The following RAD51B variants were observed in gnomAD, a reference collection of about 807,000 sequenced individuals.
The protein encoded by RAD51B is DNA repair protein RAD51 homolog 2.
Under a neutral mutation model 42.2 loss-of-function variants are expected in RAD51B, and 38 were observed. That is an observed-to-expected ratio of 0.90 (90% CI 0.70 to 1.18). The LOEUF is 1.18. Ranked by LOEUF, RAD51B falls within the 50% of genes most tolerant of loss-of-function variation. The pLI is 0.00. For synonymous variants in RAD51B, 154 were observed against 145.2 expected (o/e 1.06, Z -0.43); for missense variants, 373 against 400.7 (o/e 0.93, Z 0.59).
intron 9 of RAD51B, among the ~76,000 whole-genome samples, chr14:68,447,201 AGAGT>A (rs2085441151): frequency 6.6e-6 from 1 of 152,170 alleles, no homozygotes; most frequent in South Asian, 2.1e-4. Context: ...CTGGGCAACA[AGAGT>A]GAAACTCCAT....
At chr14:68,150,285 A>G (rs186094682) in intron 7 of RAD51B, among the ~76,000 whole-genome samples, 149 of 152,222 alleles carry the variant, frequency 9.8e-4, no homozygotes, top group African/African-American at 3.5e-3. Flanking sequence ...CTTTGTCAGT[A>G]TTATGTTGGC....
intron 8 of RAD51B, chr14:68,386,998 C>T (rs1383195027): frequency 6.6e-6 from 1 of 152,192 alleles, no homozygotes; most frequent in Non-Finnish European, 1.5e-5. Flanking sequence ...TACTGAAATA[C>T]CAAACTTATT....
Position 68,648,060 on chromosome 14 carries a change from T to G in RAD51B, c.1037-2721T>G, listed in dbSNP as rs1444296596. The stretch of plus-strand genomic sequence containing the variant: ...ATACACACGTATATAGATGTGTGTG[T>G]GTATATATATATACACGTATATATA... On this transcript the variant is annotated intron_variant, in intron 10 of 11. Transcript: ENST00000488612. Among the ~76,000 whole-genome samples the G allele has an allele frequency of 1.1e-4, 15 of 132,862 alleles. 2 individuals carry two copies. Among genetic ancestry groups the G allele is most frequent in the Middle Eastern group, 3.9e-3 (1 of 258 alleles). 87.2% of individuals were successfully genotyped at this position (132,862 alleles called of 152,430 possible). A position where few individuals can be genotyped will look rare whatever the true frequency, so the allele number is the denominator to read the frequency against.
At chr14:67,966,358 C>T (rs2074777092) in intron 7 of RAD51B, among the ~76,000 whole-genome samples, 1 of 152,222 alleles carries the variant, frequency 6.6e-6, no homozygotes, top group South Asian at 2.1e-4. Context: ...CTTTTTCATG[C>T]TCTGCCTAGT....
intron 7 of RAD51B, among the ~76,000 whole-genome samples, chr14:68,280,587 C>T (rs573797919): frequency 6.6e-6 from 1 of 152,298 alleles, no homozygotes; most frequent in Admixed American, 6.5e-5. Flanking sequence ...GGGTCTGACA[C>T]ATAGGAAATG....
intron 10 of RAD51B, among the ~76,000 whole-genome samples, chr14:68,493,182 C>T (rs554736071): frequency 3.5e-4 from 54 of 152,294 alleles, no homozygotes; most frequent in South Asian, 6.2e-4. Flanking sequence ...CCCATCCCCC[C>T]GGCCGAATGA....
chr14:68,359,269 A>C (rs1367296578), intron 8 of RAD51B, among the ~76,000 whole-genome samples: 1 of 152,238 alleles, frequency 6.6e-6, no homozygotes, highest in East Asian at 1.9e-4. Context: ...AAAGACATAA[A>C]GCACACCTTG....
rs1336508338 is a variant in RAD51B at position 68,059,297 on chromosome 14, T to TA, written c.756+172094dup. Among the ~76,000 whole-genome samples the TA allele has an allele frequency of 2.0e-5, 3 of 152,364 alleles. No individual in the cohort carries two copies. The East Asian group carries it at 5.8e-4, about 29-fold the overall frequency. On this transcript the variant is annotated intron_variant, in intron 7 of 10. Coordinates refer to ENST00000471583, the MANE Select transcript of RAD51B (RefSeq NM_133510.4). ...CTGTAATTCCTTCTCCCAAGTGCTG[T>TA]AGTTATCTTCACAAGATCTGAGTAT... is the stretch of plus-strand genomic sequence containing the variant.
chr14:67,871,867 GC>G (rs1316437258), intron 5 of RAD51B, among the ~76,000 whole-genome samples: 1 of 152,092 alleles, frequency 6.6e-6, no homozygotes, highest in Non-Finnish European at 1.5e-5. Flanking sequence ...TGCAGAAGAG[GC>G]CTTTGACAAA....
At chr14:67,878,047 T>C (rs1422576338) in intron 5 of RAD51B, among the ~76,000 whole-genome samples, 1 of 152,228 alleles carries the variant, frequency 6.6e-6, no homozygotes, top group Non-Finnish European at 1.5e-5. Flanking sequence ...CTATTAGTTA[T>C]CAAGATATTG....
At chr14:67,991,340 C>G (rs1467818628) in intron 7 of RAD51B, among the ~76,000 whole-genome samples, 3 of 152,120 alleles carry the variant, frequency 2.0e-5, no homozygotes, top group African/African-American at 7.2e-5. Context: ...ATGATGATCT[C>G]TAAGAATTAG....
Position 68,317,785 on chromosome 14 carries a change from C to G in RAD51B, c.853+25805C>G, listed in dbSNP as rs4902565. 1.8e-3 allele frequency among the ~76,000 whole-genome samples: 278 copies of G among 152,250 alleles called. 3 individuals carry two copies. The East Asian group carries it at 0.026, about 14-fold the overall frequency. On this transcript the variant is annotated intron_variant, in intron 8 of 10. Transcript: ENST00000471583. Reference sequence around the variant, plus strand: ...GAAAAAATTGAGATAGGCTTTTGCCCGGCATGGGTAAAAGTGGGAAACAGT... The same window carrying G: ...GAAAAAATTGAGATAGGCTTTTGCCGGGCATGGGTAAAAGTGGGAAACAGT...
At chr14:68,356,719 C>T (rs2082912389) in intron 8 of RAD51B, among the ~76,000 whole-genome samples, 1 of 152,076 alleles carries the variant, frequency 6.6e-6, no homozygotes, top group South Asian at 2.1e-4. Flanking sequence ...CGGTGGCTCA[C>T]GCCTGTAATC....
chr14:67,951,993 T>TATATCGTACAGATACTGA (rs370702054), intron 7 of RAD51B, among the ~76,000 whole-genome samples: 1 of 152,094 alleles, frequency 6.6e-6, no homozygotes, highest in Non-Finnish European at 1.5e-5. Context: ...ATCAAACTAA[T>TATATCGTACAGATACTGA]ACAAAAAATT....
intron 1 of RAD51B, 22 bp from the exon 2 acceptor site, chr14:67,823,520 C>T: frequency 6.2e-7 from 1 of 1,603,880 alleles, no homozygotes; most frequent in Non-Finnish European, 8.5e-7. Flanking sequence ...CATGGTTCTT[C>T]TTTTCTTTGC....
At chr14:68,121,926 G>A (rs1203667115) in intron 7 of RAD51B, among the ~76,000 whole-genome samples, 1 of 151,754 alleles carries the variant, frequency 6.6e-6, no homozygotes, top group Non-Finnish European at 1.5e-5. Context: ...AAATGTGGAA[G>A]GAGTATAAGA....
At chr14:68,611,992 A>G (rs2140108614), downstream of RAD51B, among the ~76,000 whole-genome samples, 1 of 152,352 alleles carries the variant, frequency 6.6e-6, no homozygotes, top group South Asian at 2.1e-4. Context: ...AGGACTGGCT[A>G]AGTAAATAAA....
chr14:68,346,400 G>A (rs1269594290), intron 8 of RAD51B, among the ~76,000 whole-genome samples: 2 of 152,014 alleles, frequency 1.3e-5, no homozygotes, highest in South Asian at 4.2e-4. Context: ...GAATAGCTTC[G>A]CTAGTTACCC....
Position 67,857,773 on chromosome 14 carries a change from C to G in RAD51B, c.316-7230C>G, listed in dbSNP as rs139214739. ...TGCTGGACTTATGACAGGGGTATCC[C>G]ATTTACTCGGCCCACCATGCTCAAC... On this transcript the variant is annotated intron_variant, in intron 4 of 10. Transcript: ENST00000471583. The G allele has an allele frequency of 9.0e-3, 1,373 of 153,188 alleles. 22 individuals carry two copies. The highest frequency in any genetic ancestry group is 0.031 in the African/African-American group (1,298 of 41,574). The allele number at this position is 153,188 out of a possible 1,614,324, so 9.5% of individuals were successfully genotyped here.
Sources: allele counts gnomAD v4.1 joint callset (sites outside exome capture counted in the v4.1 genomes callset), GRCh38; gene constraint gnomAD v4.1.1; transcripts MANE v1.5; gene names NCBI Gene and HGNC (gene_info 2026-07-23, HGNC 2026-07-21).